The following USP32 variants were observed in gnomAD, a reference collection of about 807,000 sequenced individuals.
USP32 encodes ubiquitin specific peptidase 32, also known as ubiquitin carboxyl-terminal hydrolase 32.
USP32 carries 59 observed loss-of-function variants against 204.8 expected under a neutral mutation model. The observed-to-expected ratio is 0.29, with a 90% CI of 0.23 to 0.36. The LOEUF is 0.36. Among genes scored for constraint, USP32 ranks in the 10% least tolerant of loss-of-function variants. The probability of loss-of-function intolerance (pLI) is 1.00; values close to 1 mark genes in which losing one functional copy is unlikely to be tolerated. For missense variants in USP32, 1,160 were observed against 1,946.4 expected (o/e 0.60, Z 7.60); for synonymous variants, 517 against 678.4 (o/e 0.76, Z 3.70).
intron 2 of USP32, among the ~76,000 whole-genome samples, chr17:60,303,833 C>T (rs2145898280): frequency 6.6e-6 from 1 of 151,986 alleles, no homozygotes; most frequent in African/African-American, 2.4e-5. Flanking sequence ...AACAGAGTTG[C>T]ATAAGAGATT....
chr17:60,332,265 A>C (rs979504396), intron 2 of USP32, among the ~76,000 whole-genome samples: 6 of 151,872 alleles, frequency 4.0e-5, no homozygotes, highest in African/African-American at 1.2e-4. Context: ...GAAAGAAAAA[A>C]GTGTACAGTC....
Position 60,207,929 on chromosome 17 carries a change from T to C in USP32, c.2925+130A>G, listed in dbSNP as rs2084869683. 5 of 1,447,992 alleles carry C rather than the reference T, an allele frequency of 3.5e-6. No homozygotes were observed. The East Asian group carries it at 9.3e-5, about 27-fold the overall frequency. 89.7% of individuals were successfully genotyped at this position (1,447,992 alleles called of 1,614,324 possible). ...TTGGAAAACTTGGCATTTTTTGTTG[T>C]TGTTGTTCAGTTTTCGTTATGTTTT... is the stretch of plus-strand genomic sequence containing the variant. On this transcript the variant is annotated intron_variant, in intron 24 of 33. Transcript: ENST00000300896.
rs780993587 is a variant in USP32 at position 60,212,112 on chromosome 17, T to G, written c.2105-14A>C. On this transcript the variant is annotated splice_polypyrimidine_tract_variant and intron_variant, in intron 18 of 33. Transcript: ENST00000300896. ...CTTTGTTGCGAACTGGAAGGACAGA[T>G]AGGAATGTGTTAATTTCTTATCTAT... 14 of 1,586,458 alleles carry G rather than the reference T, an allele frequency of 8.8e-6. No individual in the cohort carries two copies. The highest frequency in any genetic ancestry group is 1.2e-5 in the Non-Finnish European group (14 of 1,163,674).
chr17:60,391,944 C>T lies in USP32; in HGVS notation c.-5G>A, dbSNP rs1275431181. The T allele has an allele frequency of 3.1e-6, 5 of 1,610,736 alleles. No individual in the cohort carries two copies. The highest frequency in any genetic ancestry group is 4.2e-6 in the Non-Finnish European group (5 of 1,178,764). On this transcript the variant is annotated 5_prime_UTR_variant, in exon 1 of 34. Coordinates refer to ENST00000300896, the MANE Select transcript of USP32 (RefSeq NM_032582.4). ...CCGTGACTCCTTGGCACCCATGCTC[C>T]CCTCATCCCCTCGGCGGGGGGTCGG...
At chr17:60,239,909 T>C (rs896977941) in intron 11 of USP32, among the ~76,000 whole-genome samples, 1 of 152,056 alleles carries the variant, frequency 6.6e-6, no homozygotes, top group Non-Finnish European at 1.5e-5. Flanking sequence ...AATTTTTGTA[T>C]ATTTTTTAGT....
chr17:60,179,067 G>T lies in USP32; in HGVS notation c.*188C>A. On this transcript the variant is annotated 3_prime_UTR_variant, in exon 34 of 34. Coordinates refer to ENST00000300896, the MANE Select transcript of USP32 (RefSeq NM_032582.4). The stretch of plus-strand genomic sequence containing the variant: ...GTTCTCTATCGGAGAGCTTGTATGA[G>T]ACTTCAAAATAAAATGATTACTACT... 1.5e-6 allele frequency: 1 copy of T among 678,166 alleles called. No homozygotes were observed. Among genetic ancestry groups the T allele is most frequent in the Non-Finnish European group, 2.3e-6 (1 of 427,254 alleles). 42.0% of individuals were successfully genotyped at this position (678,166 alleles called of 1,614,324 possible).
chr17:60,243,806 G>C (rs894561666), intron 11 of USP32, among the ~76,000 whole-genome samples: 10 of 152,044 alleles, frequency 6.6e-5, no homozygotes, highest in African/African-American at 2.4e-4. Context: ...GTATTCTGTT[G>C]CTGTTGGCTG....
At chr17:60,246,366 G>A (rs1390200595) in intron 11 of USP32, among the ~76,000 whole-genome samples, 1 of 151,568 alleles carries the variant, frequency 6.6e-6, no homozygotes, top group Admixed American at 6.6e-5. Context: ...TTCATTTTAT[G>A]GCTGAATAAC....
At chr17:60,266,527 C>T (rs1004962396) in intron 7 of USP32, among the ~76,000 whole-genome samples, 2 of 152,164 alleles carry the variant, frequency 1.3e-5, no homozygotes, top group African/African-American at 2.4e-5. Context: ...CTCGCTCTGT[C>T]GCCCAGGCTA....
chr17:60,238,142 T>C (rs1393461220), intron 11 of USP32, among the ~76,000 whole-genome samples: 2 of 152,216 alleles, frequency 1.3e-5, no homozygotes, highest in Non-Finnish European at 2.9e-5. Flanking sequence ...ATTTCCCTAA[T>C]GACTAATTAC....
At chr17:60,292,779 A>G (rs1316915807) in intron 4 of USP32, among the ~76,000 whole-genome samples, 1 of 131,448 alleles carries the variant, frequency 7.6e-6, no homozygotes, top group Admixed American at 7.6e-5. Context: ...TCATGTGTGT[A>G]AAAAAAAAAA....
chr17:60,338,427 C>G (rs1038989887), intron 2 of USP32, among the ~76,000 whole-genome samples: 3 of 151,918 alleles, frequency 2.0e-5, no homozygotes, highest in Admixed American at 1.3e-4. Flanking sequence ...AATAAAAACA[C>G]TAGACAATTC....
intron 1 of USP32, among the ~76,000 whole-genome samples, chr17:60,348,898 G>A (rs1334270024): frequency 6.6e-6 from 1 of 152,138 alleles, no homozygotes; most frequent in African/African-American, 2.4e-5. Flanking sequence ...ACCACTAGTT[G>A]AATAAGTAGC....
At chr17:60,239,836 G>A (rs537144561) in intron 11 of USP32, among the ~76,000 whole-genome samples, 1 of 152,184 alleles carries the variant, frequency 6.6e-6, no homozygotes, top group South Asian at 2.1e-4. Flanking sequence ...CGGGTTCAAG[G>A]GATTCTCCTG....
rs1462719972 is a variant in USP32 at position 60,336,671 on chromosome 17, C to G, written c.186+8810G>C. 1.4e-3 allele frequency among the ~76,000 whole-genome samples: 207 copies of G among 146,420 alleles called. 2 individuals are homozygous for G. Among genetic ancestry groups the G allele is most frequent in the African/African-American group, 5.0e-3 (189 of 37,708 alleles). On this transcript the variant is annotated intron_variant, in intron 2 of 33. Coordinates refer to ENST00000300896, the MANE Select transcript of USP32 (RefSeq NM_032582.4). The stretch of plus-strand genomic sequence containing the variant: ...GCGGAGCTTGCAGTGAGCCGAGATC[C>G]CGCCACTGCACTCCAGCCTGGGAGA...
At chr17:60,366,345 G>A (rs2089313091) in intron 1 of USP32, among the ~76,000 whole-genome samples, 1 of 152,022 alleles carries the variant, frequency 6.6e-6, no homozygotes, top group African/African-American at 2.4e-5. Context: ...TTTCAGTAGA[G>A]ACGGGGTTTC....
At chr17:60,380,703 A>G (rs1276223571) in intron 1 of USP32, among the ~76,000 whole-genome samples, 7 of 152,226 alleles carry the variant, frequency 4.6e-5, no homozygotes, top group Non-Finnish European at 2.9e-5. Flanking sequence ...GGAGAAAAAA[A>G]GCTCCTAAAA....
chr17:60,186,134 T>C (rs930727780), intron 29 of USP32, among the ~76,000 whole-genome samples: 1 of 152,208 alleles, frequency 6.6e-6, no homozygotes, highest in Admixed American at 6.5e-5. Flanking sequence ...AAATGTTACA[T>C]CGGTAACATT....
chr17:60,396,009 A>G (rs1428444913), upstream of USP32, among the ~76,000 whole-genome samples: 1 of 152,098 alleles, frequency 6.6e-6, no homozygotes, highest in Non-Finnish European at 1.5e-5. Context: ...CCTTACAGTC[A>G]AACAATATGA....
Sources: allele counts gnomAD v4.1 joint callset (sites outside exome capture counted in the v4.1 genomes callset), GRCh38; gene constraint gnomAD v4.1.1; transcripts MANE v1.5; gene names NCBI Gene and HGNC (gene_info 2026-07-23, HGNC 2026-07-21).